The following P3H2 variants were observed in gnomAD, a reference collection of about 807,000 sequenced individuals.
P3H2 encodes leprecan-like 1.
P3H2 carries 80 observed loss-of-function variants against 87.0 expected under a neutral mutation model. The ratio of observed to expected loss-of-function variants is 0.92; its 90% CI spans 0.77 to 1.11. P3H2 has a LOEUF of 1.11. Among genes scored for constraint, P3H2 ranks in the 50% least tolerant of loss-of-function variants. The probability of loss-of-function intolerance (pLI) is 0.00; values close to 1 mark genes in which losing one functional copy is unlikely to be tolerated. For synonymous variants in P3H2, 367 were observed against 359.3 expected (o/e 1.02, Z -0.24); for missense variants, 1,001 against 923.9 (o/e 1.08, Z -1.08).
intron 1 of P3H2, among the ~76,000 whole-genome samples, chr3:190,082,635 C>T (rs548126324): frequency 1.7e-3 from 255 of 152,290 alleles, no homozygotes; most frequent in African/African-American, 6.0e-3. Flanking sequence ...AGTCTCCCTA[C>T]CATACTATTG....
At chr3:190,047,281 A>G (rs1725838100) in intron 1 of P3H2, among the ~76,000 whole-genome samples, 1 of 152,200 alleles carries the variant, frequency 6.6e-6, no homozygotes, top group African/African-American at 2.4e-5. Context: ...TAGAGATACA[A>G]ATCAGTGCAG....
intron 1 of P3H2, among the ~76,000 whole-genome samples, chr3:190,114,276 C>T (rs1472839336): frequency 6.7e-6 from 1 of 149,862 alleles, no homozygotes; most frequent in African/African-American, 2.5e-5. Context: ...CTCCGCCTCC[C>T]GGGTTCACGC....
intron 1 of P3H2, among the ~76,000 whole-genome samples, chr3:190,040,688 C>T (rs989128876): frequency 3.9e-5 from 6 of 152,164 alleles, no homozygotes; most frequent in Admixed American, 2.6e-4. Context: ...TTAAGACAAA[C>T]TGCATCATTG....
intron 1 of P3H2, among the ~76,000 whole-genome samples, chr3:189,996,576 A>G (rs1264806902): frequency 1.3e-5 from 2 of 152,208 alleles, no homozygotes; most frequent in Non-Finnish European, 2.9e-5. Flanking sequence ...ACAATTATGT[A>G]TTGTATATTT....
At chr3:190,090,211 T>C (rs1381748376) in intron 1 of P3H2, among the ~76,000 whole-genome samples, 1 of 152,220 alleles carries the variant, frequency 6.6e-6, no homozygotes, top group South Asian at 2.1e-4. Context: ...GGAAATTTCT[T>C]TAGAAGATAT....
intron 8 of P3H2, among the ~76,000 whole-genome samples, chr3:189,978,523 C>CA (rs1723421778): frequency 6.6e-6 from 1 of 152,162 alleles, no homozygotes; most frequent in Non-Finnish European, 1.5e-5. Context: ...AAGAATGTAA[C>CA]ATGGAGTCTT....
intron 1 of P3H2, among the ~76,000 whole-genome samples, chr3:190,019,409 C>A (rs943394267): frequency 1.3e-5 from 2 of 152,112 alleles, no homozygotes; most frequent in Admixed American, 6.6e-5. Context: ...GAAAAATTGT[C>A]AAAATATTCA....
Position 189,994,221 on chromosome 3 carries a change from G to A in P3H2, c.696C>T (p.His232=), listed in dbSNP as rs1719600. The A allele has an allele frequency of 0.24, 379,032 of 1,612,286 alleles. 46,781 individuals carry two copies. Among genetic ancestry groups the A allele is most frequent in the Non-Finnish European group, 0.26 (304,684 of 1,178,716 alleles). ...EADDFEMAIR[H]FEQALREYFV... is the part of the protein sequence containing the mutation. ...AATATTCTCTTAAGGCTTGTTCGAA[G>A]TGCCTGATAGCCATCTCAAAGTCAT... The change falls in exon 3 of 15, where the codon CAC becomes CAT. Residue 232 remains histidine (H), a synonymous_variant. Transcript: ENST00000319332.
chr3:190,075,112 TC>T (rs940852800), intron 1 of P3H2, among the ~76,000 whole-genome samples: 8 of 152,160 alleles, frequency 5.3e-5, no homozygotes, highest in Admixed American at 2.0e-4. Context: ...CTGACAGAGA[TC>T]CTGTTCTCAA....
intron 1 of P3H2, among the ~76,000 whole-genome samples, chr3:190,031,206 T>C (rs1725240280): frequency 6.6e-6 from 1 of 152,152 alleles, no homozygotes; most frequent in Non-Finnish European, 1.5e-5. Flanking sequence ...GATGAAAGGA[T>C]TTCTCATGTT....
intron 1 of P3H2, among the ~76,000 whole-genome samples, chr3:190,110,311 A>C (rs943825524): frequency 6.6e-6 from 1 of 152,144 alleles, no homozygotes. Flanking sequence ...AAGGCCAGGA[A>C]TGTTGCTGGC....
At chr3:190,060,655 C>G (rs1315532587) in intron 1 of P3H2, among the ~76,000 whole-genome samples, 1 of 152,098 alleles carries the variant, frequency 6.6e-6, no homozygotes. Context: ...TCTACTTACT[C>G]GAATGAAGTG....
chr3:190,070,282 T>C (rs976586951), intron 1 of P3H2, among the ~76,000 whole-genome samples: 12 of 152,130 alleles, frequency 7.9e-5, no homozygotes, highest in Non-Finnish European at 1.5e-4. Context: ...GCTCAGTGCA[T>C]TGGAGGAATT....
At chr3:189,991,312 G>A (rs149959979) in intron 3 of P3H2, among the ~76,000 whole-genome samples, 5 of 152,160 alleles carry the variant, frequency 3.3e-5, no homozygotes, top group Non-Finnish European at 4.4e-5. Context: ...TTGGTCATTC[G>A]TCACATTAAT....
At chr3:190,116,061 C>G (rs58793706) in intron 1 of P3H2, among the ~76,000 whole-genome samples, 46,472 of 152,076 alleles carry the variant, frequency 0.31, 10,711 homozygotes, top group African/African-American at 0.65. Flanking sequence ...GAAATTATCA[C>G]TTTTTCCAAA....
At chr3:190,050,307 T>A (rs1577296568) in intron 1 of P3H2, among the ~76,000 whole-genome samples, 1 of 152,182 alleles carries the variant, frequency 6.6e-6, no homozygotes, top group Non-Finnish European at 1.5e-5. Flanking sequence ...TTTCCTGCAA[T>A]AGCTTTTTAG....
Position 190,011,272 on chromosome 3 carries a change from C to CAA in P3H2, c.481-15832_481-15831dup, listed in dbSNP as rs35396025. Among the ~76,000 whole-genome samples the CAA allele has an allele frequency of 7.8e-3, 838 of 107,172 alleles. 9 individuals carry two copies. Among genetic ancestry groups the CAA allele is most frequent in the East Asian group, 0.05 (206 of 4,136 alleles). 70.3% of individuals were successfully genotyped at this position (107,172 alleles called of 152,430 possible). ...TGGCAACAGAGCAAGACTCCATCTC[C>CAA]AAAAAAAAAAAAAAAATAGAGTTTC... On this transcript the variant is annotated intron_variant, in intron 1 of 14. Coordinates refer to ENST00000319332, the MANE Select transcript of P3H2 (RefSeq NM_018192.4).
At chr3:190,089,239 G>C (rs760337266) in intron 1 of P3H2, among the ~76,000 whole-genome samples, 2 of 152,164 alleles carry the variant, frequency 1.3e-5, no homozygotes, top group Non-Finnish European at 2.9e-5. Flanking sequence ...GAAGCGGGGA[G>C]GGATAGCATT....
At chr3:190,081,079 T>C (rs1727027764) in intron 1 of P3H2, among the ~76,000 whole-genome samples, 1 of 152,210 alleles carries the variant, frequency 6.6e-6, no homozygotes, top group African/African-American at 2.4e-5. Flanking sequence ...TCTCCAACTG[T>C]ATAATAGAAA....
Sources: allele counts gnomAD v4.1 joint callset (sites outside exome capture counted in the v4.1 genomes callset), GRCh38; gene constraint gnomAD v4.1.1; transcripts MANE v1.5; gene names NCBI Gene and HGNC (gene_info 2026-07-23, HGNC 2026-07-21).